The following DPP10 variants were observed in gnomAD, a reference collection of about 807,000 sequenced individuals.
DPP10 encodes inactive dipeptidyl peptidase 10.
In DPP10, 33 loss-of-function variants were observed where a neutral mutation model predicts 120.9. That is an observed-to-expected ratio of 0.27 (90% CI 0.21 to 0.37). The LOEUF is 0.37. Among genes scored for constraint, DPP10 ranks in the 10% least tolerant of loss-of-function variants. DPP10 has a pLI of 1.00. For synonymous variants in DPP10, 337 were observed against 326.1 expected, an observed-to-expected ratio of 1.03 and a Z score of -0.36; for missense variants, 816 against 942.8, an observed-to-expected ratio of 0.87 and a Z score of 1.76.
At chr2:114,446,493 C>G (rs1418557807) in intron 1 of DPP10, among the ~76,000 whole-genome samples, 3 of 152,036 alleles carry the variant, frequency 2.0e-5, no homozygotes, top group African/African-American at 7.3e-5. Context: ...TTTCTTTACC[C>G]TTCCCATGTA....
At chr2:115,829,072 A>G (rs1041107546) in intron 21 of DPP10, among the ~76,000 whole-genome samples, 3 of 152,160 alleles carry the variant, frequency 2.0e-5, no homozygotes, top group Non-Finnish European at 2.9e-5. Context: ...AAAACTTGGC[A>G]AACTCTTCTC....
intron 1 of DPP10, among the ~76,000 whole-genome samples, chr2:114,746,387 G>C (rs578184611): frequency 2.8e-4 from 43 of 152,236 alleles, no homozygotes; most frequent in African/African-American, 9.9e-4. Context: ...CTCTGACCCT[G>C]TTATCAGTCT....
At chr2:115,334,258 C>CTTT (rs2062982462) in intron 2 of DPP10, among the ~76,000 whole-genome samples, 1 of 25,158 alleles carries the variant, frequency 4.0e-5, no homozygotes. Flanking sequence ...AGAAACCTAG[C>CTTT]TATTTCTGCA....
intron 3 of DPP10, among the ~76,000 whole-genome samples, chr2:115,490,830 G>A (rs1376714489): frequency 1.3e-5 from 2 of 152,178 alleles, no homozygotes; most frequent in Non-Finnish European, 2.9e-5. Flanking sequence ...CAAAGCAATT[G>A]CGAGAGGGCT....
At chr2:115,726,327 C>G (rs866268432) in intron 7 of DPP10, among the ~76,000 whole-genome samples, 19 of 152,210 alleles carry the variant, frequency 1.2e-4, no homozygotes, top group Middle Eastern at 6.8e-3. Context: ...ACATTGTGAA[C>G]CAGGTTATCT....
At chr2:114,860,873 C>G (rs774060018) in intron 1 of DPP10, among the ~76,000 whole-genome samples, 1 of 152,190 alleles carries the variant, frequency 6.6e-6, no homozygotes, top group African/African-American at 2.4e-5. Flanking sequence ...CCCTGAGCCA[C>G]GAGCTGCTCC....
intron 1 of DPP10, among the ~76,000 whole-genome samples, chr2:114,764,453 C>A (rs922383808): frequency 2.0e-5 from 3 of 151,678 alleles, no homozygotes; most frequent in African/African-American, 7.3e-5. Flanking sequence ...TAGAATTGTT[C>A]CAGACTTTTT....
intron 1 of DPP10, among the ~76,000 whole-genome samples, chr2:115,203,429 T>A (rs994140756): frequency 6.6e-6 from 1 of 152,160 alleles, no homozygotes; most frequent in Admixed American, 6.6e-5. Context: ...GCTTCTTTTT[T>A]AATTTTTTCT....
chr2:115,673,370 C>T (rs2090052027), intron 5 of DPP10, among the ~76,000 whole-genome samples: 1 of 152,062 alleles, frequency 6.6e-6, no homozygotes, highest in South Asian at 2.1e-4. Context: ...ATAACATAGG[C>T]TAAAATAGAA....
At chr2:115,095,964 G>T (rs1046199100) in intron 1 of DPP10, among the ~76,000 whole-genome samples, 5 of 152,106 alleles carry the variant, frequency 3.3e-5, no homozygotes, top group African/African-American at 1.2e-4. Context: ...TTCTTCATGG[G>T]TAGGGTGAAG....
At chr2:115,708,338 A>G (rs2092202379) in intron 7 of DPP10, among the ~76,000 whole-genome samples, 2 of 151,996 alleles carry the variant, frequency 1.3e-5, no homozygotes, top group African/African-American at 4.8e-5. Flanking sequence ...GGTAAAAAAG[A>G]CTTGCTAATA....
chr2:115,249,430 A>C (rs915361054), intron 1 of DPP10, among the ~76,000 whole-genome samples: 4 of 152,132 alleles, frequency 2.6e-5, no homozygotes, highest in African/African-American at 7.2e-5. Context: ...AGAAGACACA[A>C]GCAATGAACA....
chr2:115,009,202 G>T (rs576281346), intron 1 of DPP10, among the ~76,000 whole-genome samples: 1 of 148,564 alleles, frequency 6.7e-6, no homozygotes, highest in East Asian at 2.0e-4. Context: ...ATGATAGACT[G>T]GATTAAGAAA....
At chr2:115,377,339 A>C in intron 3 of DPP10, among the ~76,000 whole-genome samples, 1 of 152,126 alleles carries the variant, frequency 6.6e-6, no homozygotes, top group Non-Finnish European at 1.5e-5. Flanking sequence ...TTTTGGCTGC[A>C]TAAATGTCTT....
intron 1 of DPP10, among the ~76,000 whole-genome samples, chr2:114,927,131 G>A (rs1287022551): frequency 6.6e-6 from 1 of 152,042 alleles, no homozygotes; most frequent in Admixed American, 6.6e-5. Flanking sequence ...TTACAGGCGT[G>A]AGCCACCGCA....
At chr2:114,550,587 C>T (rs891757930) in intron 1 of DPP10, among the ~76,000 whole-genome samples, 4 of 152,216 alleles carry the variant, frequency 2.6e-5, no homozygotes, top group African/African-American at 7.2e-5. Context: ...TGGCACTGTA[C>T]ACAGGCTGTT....
At chr2:115,026,583 T>G (rs956106559) in intron 1 of DPP10, among the ~76,000 whole-genome samples, 1 of 152,180 alleles carries the variant, frequency 6.6e-6, no homozygotes, top group African/African-American at 2.4e-5. Flanking sequence ...TCACTCAGGC[T>G]GGAGTGCAGT....
intron 1 of DPP10, among the ~76,000 whole-genome samples, chr2:115,124,042 G>A (rs566050788): frequency 6.6e-6 from 1 of 151,270 alleles, no homozygotes; most frequent in South Asian, 2.1e-4. Flanking sequence ...AACCTCCCAG[G>A]CTCAATCTTC....
chr2:114,633,575 C>T (rs1278432582), intron 1 of DPP10, among the ~76,000 whole-genome samples: 1 of 151,308 alleles, frequency 6.6e-6, no homozygotes, highest in East Asian at 1.9e-4. Flanking sequence ...CTTTTTATTA[C>T]ACTGAAGATC....
Sources: allele counts gnomAD v4.1 joint callset (sites outside exome capture counted in the v4.1 genomes callset), GRCh38; gene constraint gnomAD v4.1.1; transcripts MANE v1.5; gene names NCBI Gene and HGNC (gene_info 2026-07-23, HGNC 2026-07-21).